Variants in UBXN7 observed in about 807,000 individuals in gnomAD.
UBXN7 encodes the protein UBX domain protein 7, also known as UBX domain-containing protein 7.
Under a neutral mutation model 58.0 loss-of-function variants are expected in UBXN7, and 9 were observed. The ratio of observed to expected loss-of-function variants is 0.16; its 90% confidence interval spans 0.09 to 0.27. The LOEUF is 0.27. UBXN7 is among the 10% of genes least tolerant of loss of function. The pLI is 1.00. For missense variants in UBXN7, 328 were observed against 599.6 expected (o/e 0.55, Z 4.73); for synonymous variants, 208 against 205.0 (o/e 1.01, Z -0.12).
At chr3:196,368,989 ATT>A (rs1415152415) in intron 7 of UBXN7, among the ~76,000 whole-genome samples, 1 of 151,672 alleles carries the variant, frequency 6.6e-6, no homozygotes, top group African/African-American at 2.4e-5. Flanking sequence ...TGCCCGGCTA[ATT>A]TTTTTTGTAT....
At chr3:196,381,715 C>T (rs1729212067) in intron 5 of UBXN7, among the ~76,000 whole-genome samples, 1 of 152,112 alleles carries the variant, frequency 6.6e-6, no homozygotes, top group South Asian at 2.1e-4. Context: ...ATGTTCGAAC[C>T]CATCGCAAGG....
chr3:196,390,781 G>A (rs1729558755), intron 5 of UBXN7, among the ~76,000 whole-genome samples: 1 of 150,828 alleles, frequency 6.6e-6, no homozygotes, highest in Admixed American at 6.6e-5. Context: ...TACATCTATG[G>A]AAATGCTATT....
At chr3:196,398,184 G>A (rs1729835981) in intron 3 of UBXN7, among the ~76,000 whole-genome samples, 1 of 152,196 alleles carries the variant, frequency 6.6e-6, no homozygotes, top group African/African-American at 2.4e-5. Flanking sequence ...GAGTTTAGGA[G>A]ATCCTCCTCC....
At chr3:196,381,605 C>T (rs1729207579) in intron 5 of UBXN7, among the ~76,000 whole-genome samples, 1 of 152,180 alleles carries the variant, frequency 6.6e-6, no homozygotes, top group Non-Finnish European at 1.5e-5. Flanking sequence ...CAACTCCTTG[C>T]CAGCAACGGA....
chr3:196,429,578 C>A (rs1214980676), intron 1 of UBXN7, among the ~76,000 whole-genome samples: 1 of 151,776 alleles, frequency 6.6e-6, no homozygotes, highest in Non-Finnish European at 1.5e-5. Context: ...CCAAGTAAAA[C>A]CTTTGTGAAA....
intron 2 of UBXN7, among the ~76,000 whole-genome samples, chr3:196,406,299 C>G (rs1730158429): frequency 6.6e-6 from 1 of 152,022 alleles, no homozygotes; most frequent in Non-Finnish European, 1.5e-5. Context: ...TCCCAAAGTA[C>G]TAGAATTACA....
chr3:196,376,882 C>T (rs1729044976), intron 5 of UBXN7, among the ~76,000 whole-genome samples: 1 of 151,622 alleles, frequency 6.6e-6, no homozygotes, highest in Non-Finnish European at 1.5e-5. Flanking sequence ...CTCATCTCTA[C>T]AAAAAATACA....
At chr3:196,362,832 C>T in intron 8 of UBXN7, 145 bp from the exon 9 acceptor site, 1 of 930,184 alleles carries the variant, frequency 1.1e-6, no homozygotes, top group Non-Finnish European at 1.6e-6. Context: ...AGGACTGTGT[C>T]TTACACAGCC....
chr3:196,363,455 G>A (rs188355424), intron 8 of UBXN7, among the ~76,000 whole-genome samples: 127 of 150,312 alleles, frequency 8.4e-4, no homozygotes, highest in Admixed American at 2.8e-3. Context: ...AAAAGATCGA[G>A]ACCATCCTGG....
chr3:196,391,776 GAT>G, intron 5 of UBXN7, 35 bp downstream of exon 5: 1 of 1,480,290 alleles, frequency 6.8e-7, no homozygotes, highest in Non-Finnish European at 9.3e-7. Flanking sequence ...AATGCAAAAG[GAT>G]TCATAGTTAA....
intron 1 of UBXN7, among the ~76,000 whole-genome samples, chr3:196,429,467 C>T (rs926612587): frequency 2.0e-5 from 3 of 152,172 alleles, no homozygotes; most frequent in Non-Finnish European, 4.4e-5. Flanking sequence ...ATAAGACTCA[C>T]ATTTATTTTT....
At chr3:196,357,761 G>A (rs1234575152) in intron 10 of UBXN7, among the ~76,000 whole-genome samples, 4 of 152,174 alleles carry the variant, frequency 2.6e-5, no homozygotes, top group Admixed American at 2.6e-4. Context: ...TTGGGAGGCT[G>A]AGGCAGAATT....
intron 3 of UBXN7, among the ~76,000 whole-genome samples, chr3:196,401,300 C>G (rs7632728): frequency 1.8e-5 from 1 of 56,502 alleles, no homozygotes; most frequent in Non-Finnish European, 2.9e-5. Flanking sequence ...TATATATATA[C>G]ACACACACAC....
chr3:196,372,109 G>A (rs1222257511), intron 5 of UBXN7, 67 bp from the exon 6 acceptor site: 57 of 1,496,656 alleles, frequency 3.8e-5, no homozygotes, highest in Non-Finnish European at 5.0e-5. Flanking sequence ...TTCCGTAGTT[G>A]TTCAGAGGTT....
chr3:196,406,310 G>C (rs1397292352), intron 2 of UBXN7, among the ~76,000 whole-genome samples: 1 of 152,062 alleles, frequency 6.6e-6, no homozygotes, highest in Non-Finnish European at 1.5e-5. Flanking sequence ...TAGAATTACA[G>C]GCATGAGCCA....
intron 2 of UBXN7, among the ~76,000 whole-genome samples, chr3:196,406,036 G>GTT (rs1211429885): frequency 2.7e-5 from 4 of 146,356 alleles, no homozygotes; most frequent in Admixed American, 1.4e-4. Flanking sequence ...TTTGTTTTTT[G>GTT]TTTTTTTTTT....
chr3:196,423,948 G>C (rs1730766267), intron 1 of UBXN7, among the ~76,000 whole-genome samples: 1 of 146,462 alleles, frequency 6.8e-6, no homozygotes, highest in Non-Finnish European at 1.5e-5. Context: ...GGAGTGCAGT[G>C]GCAAGATCTT....
At chr3:196,386,380 TAAAAAAAAAAAAAAAA>T (rs34268326) in intron 5 of UBXN7, among the ~76,000 whole-genome samples, 1 of 57,728 alleles carries the variant, frequency 1.7e-5, no homozygotes, top group African/African-American at 7.0e-5. Context: ...TAATAAACAC[TAAAAAAAAAAAAAAAA>T]AAAAAAAAAG....
chr3:196,417,124 T>A (rs868512111), intron 1 of UBXN7, among the ~76,000 whole-genome samples: 3 of 152,062 alleles, frequency 2.0e-5, no homozygotes, highest in Non-Finnish European at 4.4e-5. Context: ...CCATCCTGGC[T>A]AACACGGTGA....
Sources: gnomAD v4.1 joint callset for allele counts (sites outside exome capture counted in the v4.1 genomes callset) on GRCh38, gnomAD v4.1.1 for gene constraint, MANE v1.5 for transcripts, NCBI Gene and HGNC (gene_info 2026-07-23, HGNC 2026-07-21) for gene names.